Variants in NPR2 observed in about 807,000 individuals in gnomAD.
The protein encoded by NPR2 is atrial natriuretic peptide receptor 2.
Under a neutral mutation model 120.7 loss-of-function variants are expected in NPR2, and 49 were observed. The ratio of observed to expected loss-of-function variants is 0.41; its 90% CI spans 0.32 to 0.52. NPR2 has a LOEUF of 0.52. NPR2 is among the 20% of genes least tolerant of loss of function. The pLI, the probability that NPR2 is intolerant of heterozygous loss-of-function variation, is 0.36. For missense variants in NPR2, 931 were observed against 1,362.9 expected (o/e 0.68, Z 4.99); for synonymous variants, 484 against 519.8 (o/e 0.93, Z 0.94).
chr9:35,800,001 T>C lies in NPR2; in HGVS notation c.988-21T>C. ...GCCTTGCAGGACATTTGGAGAGTAC[T>C]GCTGAAGTTGCCACCCCCAGATGAA... On this transcript the variant is annotated intron_variant, in intron 3 of 21. Transcript: ENST00000342694. This position sits in a 1 kb window ranked among gnomAD's most constrained non-coding sequence, Gnocchi z 4.7. 6.2e-7 allele frequency: 1 copy of C among 1,613,546 alleles called. No homozygotes were observed.
rs1304657102 is a variant in NPR2, at chr9:35,801,703, G to T, written c.1497G>T (p.Leu499=). 1 of 1,614,132 alleles carries T rather than the reference G, an allele frequency of 6.2e-7. No homozygotes were observed. ...TGTGGCGTATTCGCTGGGAAGAACT[G>T]CAGTTTGGCAACTCAGAGCGTTATC... is the stretch of plus-strand genomic sequence containing the variant. ...SMLWRIRWEE[L]QFGNSERYHK... The change falls in exon 8 of 22, where the codon CTG becomes CTT. Residue 499 remains leucine, a synonymous_variant. Coordinates refer to ENST00000342694, the MANE Select transcript of NPR2 (RefSeq NM_003995.4).
chr9:35,808,198 AC>A lies in NPR2; in HGVS notation c.2713-309del. 1 of 1,614,050 alleles carries A rather than the reference AC, an allele frequency of 6.2e-7. No homozygotes were observed. The highest frequency in any genetic ancestry group is 8.5e-7 in the Non-Finnish European group (1 of 1,179,982). On this transcript the variant is annotated intron_variant, in intron 18 of 21. Coordinates refer to ENST00000342694, the MANE Select transcript of NPR2 (RefSeq NM_003995.4). This position sits in a 1 kb window ranked among gnomAD's most constrained non-coding sequence, Gnocchi z 4.0. ...TCACCAGCCTCTGTCCTCTTGAGTT[AC>A]CGTTTTCTTGCTTCCCATTTCCTGA...
At chr9:35,798,354 A>T (rs1828010911) in intron 2 of NPR2, among the ~76,000 whole-genome samples, 1 of 152,144 alleles carries the variant, frequency 6.6e-6, no homozygotes. Flanking sequence ...TTCTCTTTTT[A>T]AAAAAATTTT....
intron 1 of NPR2, among the ~76,000 whole-genome samples, chr9:35,793,356 A>G (rs1169907818): frequency 6.6e-6 from 1 of 152,092 alleles, no homozygotes; most frequent in Non-Finnish European, 1.5e-5. Flanking sequence ...AAGTTTCGGG[A>G]GCAATGTTTG....
rs1827788798 is a variant in NPR2, at chr9:35,791,770, C to G, written c.-639C>G. On this transcript the variant is annotated 5_prime_UTR_variant, in exon 1 of 22. Transcript: ENST00000342694. ...GGAGCGGGGACACGGGCGGGGCCGC[C>G]GTAGCTCCGGATGGGACCAGCGCCC... Among the ~76,000 whole-genome samples the G allele has an allele frequency of 6.6e-6, 1 of 151,756 alleles. No individual in the cohort carries two copies. Among genetic ancestry groups the G allele is most frequent in the African/African-American group, 2.4e-5 (1 of 41,326 alleles).
Position 35,806,237 on chromosome 9 carries a change from A to G in NPR2, c.2372+4A>G. 3.1e-6 allele frequency: 5 copies of G among 1,614,128 alleles called. No homozygotes were observed. The highest frequency in any genetic ancestry group is 1.1e-5 in the South Asian group (1 of 91,086). On this transcript the variant is annotated splice_donor_region_variant and intron_variant, in intron 15 of 21. Transcript: ENST00000342694. This position sits in a 1 kb window ranked among gnomAD's most constrained non-coding sequence, Gnocchi z 4.6. ...GCTTCATTCGGCGCTTTAACAAGTGAGAGGGCATTATGGGGCAGGGGCTTC... is the reference window on the plus strand; with the variant it reads ...GCTTCATTCGGCGCTTTAACAAGTGGGAGGGCATTATGGGGCAGGGGCTTC...
At position 35,806,286 on chromosome 9, in the gene NPR2, C is replaced by T; in HGVS notation, c.2372+53C>T. 1 of 1,611,532 alleles carries T rather than the reference C, an allele frequency of 6.2e-7. No homozygotes were observed. The highest frequency in any genetic ancestry group is 8.5e-7 in the Non-Finnish European group (1 of 1,177,834). ...TCCCAGGGATAGAAGACTCATTAGT[C>T]CTAGTGCATGAAGTGGGGCAGGTGG... is the stretch of plus-strand genomic sequence containing the variant. On this transcript the variant is annotated intron_variant, in intron 15 of 21. Coordinates refer to ENST00000342694, the MANE Select transcript of NPR2 (RefSeq NM_003995.4). The surrounding 1 kb of genome is among the most constrained non-coding windows in gnomAD (Gnocchi z 4.6).
chr9:35,794,480 AG>A lies in NPR2; in HGVS notation c.873+379del, dbSNP rs371912162. Among the ~76,000 whole-genome samples, 371 of 152,322 alleles carry A rather than the reference AG, an allele frequency of 2.4e-3. 2 individuals carry two copies. The highest frequency in any genetic ancestry group is 8.6e-3 in the African/African-American group (358 of 41,562). On this transcript the variant is annotated intron_variant, in intron 2 of 21. Coordinates refer to ENST00000342694, the MANE Select transcript of NPR2 (RefSeq NM_003995.4). ...GGTACAGTCAGACAAAGTTTGAGAA[AG>A]GATATGATTATGTGTCCTGGAACAG...
chr9:35,800,548 C>T lies in NPR2; in HGVS notation c.1218+65C>T, dbSNP rs1435803888. 29 of 1,566,610 alleles carry T rather than the reference C, an allele frequency of 1.9e-5. No homozygotes were observed. Among genetic ancestry groups the T allele is most frequent in the South Asian group, 1.4e-4 (13 of 89,956 alleles). On this transcript the variant is annotated intron_variant, in intron 5 of 21. Transcript: ENST00000342694. This position sits in a 1 kb window ranked among gnomAD's most constrained non-coding sequence, Gnocchi z 4.7. ...AAAATCCAGCTTTCAAGGGTTCAGT[C>T]GGGGCAGAACCAAAACTACTAGATG...
chr9:35,792,332 TG>T lies in NPR2; in HGVS notation c.-71del. The T allele has an allele frequency of 1.0e-5, 15 of 1,476,164 alleles. No individual in the cohort carries two copies. The highest frequency in any genetic ancestry group is 2.5e-5 in the South Asian group (2 of 78,922). 91.4% of individuals were successfully genotyped at this position (1,476,164 alleles called of 1,614,324 possible). On this transcript the variant is annotated 5_prime_UTR_variant, in exon 1 of 22. Transcript: ENST00000342694. Reference sequence around the variant, plus strand: ...TGGCCCTCTTCCCCAGGCTCCAGGCTGGGGGGTGCTCGCGTCTCCCCTGTAG... The same window carrying T: ...TGGCCCTCTTCCCCAGGCTCCAGGCTGGGGGTGCTCGCGTCTCCCCTGTAG...
intron 2 of NPR2, among the ~76,000 whole-genome samples, chr9:35,796,771 C>T (rs1004914850): frequency 1.3e-5 from 2 of 152,128 alleles, no homozygotes; most frequent in South Asian, 2.1e-4. Context: ...TAAGGTGCCC[C>T]GCCCCCCACC....
intron 2 of NPR2, among the ~76,000 whole-genome samples, chr9:35,796,211 A>G (rs553625652): frequency 1.6e-4 from 25 of 152,226 alleles, no homozygotes; most frequent in African/African-American, 5.8e-4. Context: ...TCTTTTTGAG[A>G]CAGCTCTGTT....
Position 35,806,155 on chromosome 9 carries a change from T to G in NPR2, c.2294T>G (p.Met765Arg). ...TQLNEELVLLMERCWAQDPAE... is the reference protein window; with the variant it reads ...TQLNEELVLLRERCWAQDPAE... ...CTGAATGAAGAGCTAGTTTTGCTGATGGAGCGATGTTGGGCTCAGGACCCA... is the reference window on the plus strand; with the variant it reads ...CTGAATGAAGAGCTAGTTTTGCTGAGGGAGCGATGTTGGGCTCAGGACCCA... The change falls in exon 15 of 22, where the codon ATG (methionine) becomes AGG (arginine). Residue 765 changes from methionine to arginine, a missense_variant. By Grantham distance (91) the Met-to-Arg change is moderately conservative (BLOSUM62 -1). Transcript: ENST00000342694. The surrounding 1 kb of genome is among the most constrained non-coding windows in gnomAD (Gnocchi z 4.6). 1 of 1,614,236 alleles carries G rather than the reference T, an allele frequency of 6.2e-7. No homozygotes were observed.
Position 35,807,403 on chromosome 9 carries a change from G to A in NPR2, c.2712+5G>A, listed in dbSNP as rs755516632. 22 of 1,596,622 alleles carry A rather than the reference G, an allele frequency of 1.4e-5. No homozygotes were observed. Among genetic ancestry groups the A allele is most frequent in the Non-Finnish European group, 1.8e-5 (21 of 1,167,748 alleles). On this transcript the variant is annotated splice_donor_5th_base_variant and intron_variant, in intron 18 of 21. Transcript: ENST00000342694. The stretch of plus-strand genomic sequence containing the variant: ...GACAACTTTGATGTCTACAAGGTGA[G>A]AGCTGGGGCCGCTGTTCAATAGAAG...
At chr9:35,794,426 C>T (rs1827885544) in intron 2 of NPR2, among the ~76,000 whole-genome samples, 1 of 152,178 alleles carries the variant, frequency 6.6e-6, no homozygotes, top group Non-Finnish European at 1.5e-5. Flanking sequence ...TGGGCTTCCA[C>T]CCTTTATGGA....
Position 35,808,876 on chromosome 9 carries a change from C to A in NPR2, c.2986+23C>A, listed in dbSNP as rs1267300955. ...AAGGTAAGACATTAGCCCTCAACCC[C>A]ACTGTTGGCCTCAATTTATCTTGCC... is the stretch of plus-strand genomic sequence containing the variant. On this transcript the variant is annotated intron_variant, in intron 20 of 21. Coordinates refer to ENST00000342694, the MANE Select transcript of NPR2 (RefSeq NM_003995.4). The surrounding 1 kb of genome is among the most constrained non-coding windows in gnomAD (Gnocchi z 4.0). The A allele has an allele frequency of 7.4e-7, 1 of 1,347,266 alleles. No individual in the cohort carries two copies. The highest frequency in any genetic ancestry group is 1.1e-6 in the Non-Finnish European group (1 of 936,244). The allele number at this position is 1,347,266 out of a possible 1,614,324, so 83.5% of individuals were successfully genotyped here.
chr9:35,807,752 G>A (rs1300208153), intron 18 of NPR2, among the ~76,000 whole-genome samples: 1 of 152,170 alleles, frequency 6.6e-6, no homozygotes, highest in Non-Finnish European at 1.5e-5. Context: ...AGTGGGGTGA[G>A]GGAAAATATA....
chr9:35,806,104 T>G lies in NPR2; in HGVS notation c.2243T>G (p.Phe748Cys). 2 of 1,614,212 alleles carry G rather than the reference T, an allele frequency of 1.2e-6. No homozygotes were observed. The highest frequency in any genetic ancestry group is 2.2e-5 in the South Asian group (2 of 91,084). The change falls in exon 15 of 22, where the codon TTC becomes TGC. Residue 748 changes from phenylalanine (F) to cysteine (C), a missense_variant. Coordinates refer to ENST00000342694, the MANE Select transcript of NPR2 (RefSeq NM_003995.4). This position sits in a 1 kb window ranked among gnomAD's most constrained non-coding sequence, Gnocchi z 4.6. The part of the protein sequence containing the change: ...QKVRNGQRPY[F>C]RPSIDRTQLN... ...GTACGAAATGGTCAGCGGCCATATT[T>G]CCGGCCAAGCATTGACCGGACCCAA...
Position 35,801,154 on chromosome 9 carries a change from G to A in NPR2, c.1436G>A (p.Arg479Gln), listed in dbSNP as rs1017960696. ...GGTGTTTCCAGCTTCCTAATTTTCC[G>A]GTGAGTTCTGGGTTTCTTGCTGACC... ...MFGVSSFLIFRKLMLEKELAS... is the reference protein window; with the variant it reads ...MFGVSSFLIFQKLMLEKELAS... The change falls in exon 7 of 22, where the codon CGA (arginine) becomes CAA (glutamine). Residue 479 changes from arginine to glutamine, a missense_variant and splice_region_variant. Coordinates refer to ENST00000342694, the MANE Select transcript of NPR2 (RefSeq NM_003995.4). The A allele has an allele frequency of 2.5e-6, 4 of 1,612,052 alleles. No individual in the cohort carries two copies. Among genetic ancestry groups the A allele is most frequent in the Non-Finnish European group, 3.4e-6 (4 of 1,178,084 alleles).
Sources: allele counts gnomAD v4.1 joint callset (sites outside exome capture counted in the v4.1 genomes callset), GRCh38; gene constraint gnomAD v4.1.1; non-coding constraint Gnocchi (gnomAD v3.1); transcripts MANE v1.5; gene names NCBI Gene and HGNC (gene_info 2026-07-23, HGNC 2026-07-21).